PCDH10: variants seen among roughly 807,000 people sequenced by gnomAD.
PCDH10 encodes the protein protocadherin-10.
In PCDH10, 15 loss-of-function variants were observed where a neutral mutation model predicts 74.4. The observed-to-expected ratio is 0.20, with a 90% CI of 0.13 to 0.31. The LOEUF (loss-of-function observed/expected upper bound fraction) is 0.31. Among genes scored for constraint, PCDH10 ranks in the 10% least tolerant of loss-of-function variants. The pLI, the probability that PCDH10 is intolerant of heterozygous loss-of-function variation, is 1.00. For synonymous variants in PCDH10, 619 were observed against 589.8 expected, an observed-to-expected ratio of 1.05 and a Z score of -0.72; for missense variants, 1,260 against 1,390.2, an observed-to-expected ratio of 0.91 and a Z score of 1.49.
chr4:133,188,134 G>A, intron 4 of PCDH10, among the ~76,000 whole-genome samples: 1 of 152,080 alleles, frequency 6.6e-6, no homozygotes, highest in East Asian at 1.9e-4. Context: ...ATTTTGAAAG[G>A]AGTAATATTA....
At chr4:133,160,779 C>A (rs1424702804) in intron 3 of PCDH10, among the ~76,000 whole-genome samples, 2 of 151,486 alleles carry the variant, frequency 1.3e-5, no homozygotes, top group African/African-American at 4.9e-5. Context: ...GATATTAGTT[C>A]TAATGTATAT....
At chr4:133,199,313 T>TAAG (rs1727856217), downstream of PCDH10, among the ~76,000 whole-genome samples, 1 of 146,038 alleles carries the variant, frequency 6.8e-6, no homozygotes, top group Admixed American at 6.9e-5. Flanking sequence ...ATAATAATAA[T>TAAG]AATAATAATA....
Position 133,149,898 on chromosome 4 carries a change from G to C in PCDH10, c.-243G>C. Reference sequence around the variant, plus strand: ...TTAATTAGTCAGTGGAAAGATTACAGATGAGGAAAGGGGACGCCTGTCACC... The same window carrying C: ...TTAATTAGTCAGTGGAAAGATTACACATGAGGAAAGGGGACGCCTGTCACC... On this transcript the variant is annotated 5_prime_UTR_variant, in exon 1 of 5. Transcript: ENST00000264360. 1 of 417,466 alleles carries C rather than the reference G, an allele frequency of 2.4e-6. No homozygotes were observed. Among genetic ancestry groups the C allele is most frequent in the Non-Finnish European group, 4.2e-6 (1 of 237,796 alleles). 25.9% of individuals were successfully genotyped at this position (417,466 alleles called of 1,614,324 possible).
Position 133,152,243 on chromosome 4 carries a change from C to A in PCDH10, c.2103C>A (p.Arg701=). ...SGGGGSGEHQ[R]PSRSGGGETS... ...GCGGAGGGTCAGGAGAGCACCAGCG[C>A]CCCAGTCGCTCTGGCGGCGGGGAAA... Residue 701 remains arginine (R), a synonymous_variant, in exon 1 of 5, where the codon CGC becomes CGA. Transcript: ENST00000264360. The A allele has an allele frequency of 6.2e-7, 1 of 1,610,410 alleles. No individual in the cohort carries two copies. The highest frequency in any genetic ancestry group is 8.5e-7 in the Non-Finnish European group (1 of 1,178,184).
chr4:133,184,040 A>C (rs1010303939), intron 4 of PCDH10, among the ~76,000 whole-genome samples: 1 of 152,132 alleles, frequency 6.6e-6, no homozygotes, highest in East Asian at 1.9e-4. Flanking sequence ...TATACACATA[A>C]ATTAAAATAA....
chr4:133,167,693 T>A (rs1027473361), intron 4 of PCDH10, among the ~76,000 whole-genome samples: 5 of 151,470 alleles, frequency 3.3e-5, no homozygotes, highest in African/African-American at 1.2e-4. Context: ...GAGGGTGGGT[T>A]TTTTGTTGTT....
chr4:133,186,163 A>G (rs974721314), intron 4 of PCDH10, among the ~76,000 whole-genome samples: 4 of 152,130 alleles, frequency 2.6e-5, no homozygotes, highest in Admixed American at 6.6e-5. Context: ...TTTATTAAAA[A>G]TTATATCTAT....
intron 3 of PCDH10, among the ~76,000 whole-genome samples, chr4:133,157,594 CA>C (rs1726892535): frequency 6.6e-6 from 1 of 152,076 alleles, no homozygotes; most frequent in Non-Finnish European, 1.5e-5. Flanking sequence ...GATTATCAAG[CA>C]AAACTAACAT....
chr4:133,174,663 C>T (rs1727257843), intron 4 of PCDH10, among the ~76,000 whole-genome samples: 1 of 150,866 alleles, frequency 6.6e-6, no homozygotes, highest in African/African-American at 2.4e-5. Flanking sequence ...TTTATATAGG[C>T]AAAATGACTG....
chr4:133,171,831 C>T (rs2125866777), intron 4 of PCDH10, among the ~76,000 whole-genome samples: 1 of 151,982 alleles, frequency 6.6e-6, no homozygotes, highest in East Asian at 1.9e-4. Context: ...GAATTAATTG[C>T]CTTGTTAGTC....
rs776818929 is a variant in PCDH10 at position 133,151,377 on chromosome 4, T to C, written c.1237T>C (p.Tyr413His). ...FRLKSSFKNY[Y>H]TIVTEAPLDR... Reference sequence around the variant, plus strand: ...CCTCAAGTCTTCCTTTAAGAATTACTACACCATCGTTACCGAAGCCCCCCT... The same window carrying C: ...CCTCAAGTCTTCCTTTAAGAATTACCACACCATCGTTACCGAAGCCCCCCT... Residue 413 changes from tyrosine to histidine, a missense_variant, in exon 1 of 5, where the codon TAC (tyrosine) becomes CAC (histidine). Tyr to His is a moderately conservative substitution (Grantham distance 83). Transcript: ENST00000264360. 1.9e-6 allele frequency: 3 copies of C among 1,614,132 alleles called. No homozygotes were observed. Among genetic ancestry groups the C allele is most frequent in the East Asian group, 2.2e-5 (1 of 44,830 alleles).
intron 4 of PCDH10, among the ~76,000 whole-genome samples, chr4:133,188,584 A>G (rs1352874777): frequency 6.6e-6 from 1 of 150,870 alleles, no homozygotes; most frequent in Non-Finnish European, 1.5e-5. Context: ...TACTTTCAAT[A>G]CTAGTTATTA....
chr4:133,156,260 G>A lies in PCDH10; in HGVS notation c.2797+1237G>A, dbSNP rs560261030. On this transcript the variant is annotated intron_variant, in intron 3 of 4. Transcript: ENST00000264360. ...CTCTCACTTGGCTAATGTGTGCTGT[G>A]TCTGTGGCTGCCTTAGCCTTGGGAA... Among the ~76,000 whole-genome samples, 13 of 152,350 alleles carry A rather than the reference G, an allele frequency of 8.5e-5. No individual in the cohort carries two copies. In the East Asian group the frequency reaches 1.7e-3, roughly 20 times the overall value.
At chr4:133,153,052 C>G (rs1726776875) in intron 1 of PCDH10, 1 of 1,390,248 alleles carries the variant, frequency 7.2e-7, no homozygotes, top group Non-Finnish European at 9.3e-7. Context: ...CAGTCCTTTC[C>G]CTTCTCAGTA....
intron 1 of PCDH10, 108 bp from the exon 2 acceptor site, chr4:133,154,199 A>C (rs1726809128): frequency 2.8e-6 from 2 of 706,200 alleles, no homozygotes; most frequent in Admixed American, 6.1e-5. Flanking sequence ...GAAATTCATA[A>C]AAATGTATAC....
chr4:133,152,874 T>C, intron 1 of PCDH10, 103 bp downstream of exon 1: 1 of 1,520,786 alleles, frequency 6.6e-7, no homozygotes, highest in South Asian at 1.3e-5. Context: ...ATTTTTAGGA[T>C]ATTAGCTTAT....
intron 4 of PCDH10, among the ~76,000 whole-genome samples, chr4:133,187,858 A>G (rs1307136544): frequency 6.6e-6 from 1 of 152,162 alleles, no homozygotes; most frequent in Non-Finnish European, 1.5e-5. Context: ...AAGTGAACAC[A>G]TAATATTTAT....
intron 1 of PCDH10, chr4:133,153,322 C>CA (rs1207380140): frequency 1.3e-5 from 12 of 949,174 alleles, no homozygotes; most frequent in Admixed American, 1.1e-4. Flanking sequence ...ACTCGGGTTG[C>CA]AAAAAAAGCC....
intron 1 of PCDH10, chr4:133,153,559 C>G (rs1420578388): frequency 6.6e-6 from 1 of 151,922 alleles, no homozygotes; most frequent in Non-Finnish European, 1.5e-5. Context: ...TTTGGCTTGT[C>G]AATTCTGACT....
Sources: gnomAD v4.1 joint callset for allele counts (sites outside exome capture counted in the v4.1 genomes callset) on GRCh38, gnomAD v4.1.1 for gene constraint, MANE v1.5 for transcripts, NCBI Gene and HGNC (gene_info 2026-07-23, HGNC 2026-07-21) for gene names.